The following PHTF1 variants were observed in gnomAD, a reference collection of about 807,000 sequenced individuals.
PHTF1 encodes the protein protein PHTF1.
PHTF1 carries 88 observed loss-of-function variants against 102.4 expected under a neutral mutation model. The observed-to-expected ratio is 0.86, with a 90% CI of 0.72 to 1.03. PHTF1 has a LOEUF of 1.03. Among genes scored for constraint, PHTF1 ranks in the 50% least tolerant of loss-of-function variants. PHTF1 has a pLI of 0.00. For missense variants in PHTF1, 814 were observed against 909.5 expected (o/e 0.89, Z 1.35); for synonymous variants, 289 against 305.2 (o/e 0.95, Z 0.55).
Position 113,704,172 on chromosome 1 carries a change from G to A in PHTF1, c.1804-5C>T, listed in dbSNP as rs764621067. The A allele has an allele frequency of 6.3e-7, 1 of 1,599,834 alleles. No homozygotes were observed. The highest frequency in any genetic ancestry group is 1.1e-5 in the South Asian group (1 of 90,452). On this transcript the variant is annotated splice_polypyrimidine_tract_variant and splice_region_variant and intron_variant, in intron 14 of 18. Transcript: ENST00000369604. Reference sequence around the variant, plus strand: ...TGAACGCTGTGGCCCCCGTCTCTGTGGAGTGAGACACATGTGTTAATGTTT... The same window carrying A: ...TGAACGCTGTGGCCCCCGTCTCTGTAGAGTGAGACACATGTGTTAATGTTT...
chr1:113,742,073 A>G (rs1656452994), intron 3 of PHTF1, among the ~76,000 whole-genome samples: 1 of 152,226 alleles, frequency 6.6e-6, no homozygotes, highest in Admixed American at 6.5e-5. Flanking sequence ...GCACTTTTAC[A>G]TATAGTCATG....
At chr1:113,752,528 G>GCAGCTGGGAC (rs1658251811) in intron 3 of PHTF1, among the ~76,000 whole-genome samples, 1 of 87,340 alleles carries the variant, frequency 1.1e-5, no homozygotes, top group Non-Finnish European at 2.3e-5. Context: ...AGCCTCCCCA[G>GCAGCTGGGAC]TAGCCTGCAA....
intron 2 of PHTF1, among the ~76,000 whole-genome samples, chr1:113,758,454 C>A (rs1428550769): frequency 6.7e-6 from 1 of 150,350 alleles, no homozygotes; most frequent in Admixed American, 6.6e-5. Context: ...AAGGAGGTGG[C>A]TTGTAAACCT....
At chr1:113,708,587 T>C (rs1444864272) in intron 11 of PHTF1, among the ~76,000 whole-genome samples, 1 of 151,942 alleles carries the variant, frequency 6.6e-6, no homozygotes, top group Non-Finnish European at 1.5e-5. Context: ...GAGCTAAAAT[T>C]GTGCCAGTGT....
At chr1:113,716,433 G>A (rs1481907171) in intron 7 of PHTF1, among the ~76,000 whole-genome samples, 6 of 141,350 alleles carry the variant, frequency 4.2e-5, no homozygotes, top group Admixed American at 7.8e-5. Flanking sequence ...CTGCCTCAAC[G>A]TCCTGGGCTC....
chr1:113,737,671 C>A (rs980872885), intron 5 of PHTF1, among the ~76,000 whole-genome samples: 1 of 152,160 alleles, frequency 6.6e-6, no homozygotes, highest in African/African-American at 2.4e-5. Flanking sequence ...CAGTGGCATA[C>A]ACCTGTAGTG....
intron 3 of PHTF1, among the ~76,000 whole-genome samples, chr1:113,744,920 G>C (rs966731332): frequency 2.0e-5 from 3 of 148,842 alleles, no homozygotes; most frequent in Non-Finnish European, 4.5e-5. Context: ...CTGCACTCTA[G>C]CCTGGGTGAC....
At chr1:113,733,184 G>A (rs997322153) in intron 5 of PHTF1, among the ~76,000 whole-genome samples, 1 of 143,054 alleles carries the variant, frequency 7.0e-6, no homozygotes. Context: ...TTACAGGCTT[G>A]AGCCACTGCC....
At position 113,704,175 on chromosome 1, in the gene PHTF1, G is replaced by C; in HGVS notation, c.1804-8C>G. ...ACGCTGTGGCCCCCGTCTCTGTGGAGTGAGACACATGTGTTAATGTTTTAG... is the reference window on the plus strand; with the variant it reads ...ACGCTGTGGCCCCCGTCTCTGTGGACTGAGACACATGTGTTAATGTTTTAG... On this transcript the variant is annotated splice_polypyrimidine_tract_variant and splice_region_variant and intron_variant, in intron 14 of 18. Coordinates refer to ENST00000369604, the MANE Select transcript of PHTF1 (RefSeq NM_001323043.2). 2.5e-6 allele frequency: 4 copies of C among 1,596,912 alleles called. No individual in the cohort carries two copies. Among genetic ancestry groups the C allele is most frequent in the Non-Finnish European group, 3.4e-6 (4 of 1,165,810 alleles).
At chr1:113,738,342 T>G in intron 4 of PHTF1, 74 bp from the exon 5 acceptor site, 1 of 1,121,956 alleles carries the variant, frequency 8.9e-7, no homozygotes, top group Admixed American at 2.3e-5. Flanking sequence ...AGCACTACAT[T>G]AAAAATAGGT....
chr1:113,737,929 T>C (rs1172622212), intron 5 of PHTF1, among the ~76,000 whole-genome samples, 181 bp downstream of exon 5: 1 of 152,230 alleles, frequency 6.6e-6, no homozygotes, highest in African/African-American at 2.4e-5. Flanking sequence ...GTTACACAAG[T>C]ATGTTTGCTC....
Position 113,700,836 on chromosome 1 carries a change from G to T in PHTF1, c.2004C>A (p.Thr668=). The T allele has an allele frequency of 6.2e-7, 1 of 1,613,542 alleles. No individual in the cohort carries two copies. Among genetic ancestry groups the T allele is most frequent in the Non-Finnish European group, 8.5e-7 (1 of 1,179,760 alleles). Residue 668 remains threonine (T), a synonymous_variant, in exon 16 of 19, where the codon ACC becomes ACA. Transcript: ENST00000369604. ...TTGAAACATTGCTGTATTTCTTATT[G>T]GTTTCAGACCCCAGTGAGGCCAGAC... is the stretch of plus-strand genomic sequence containing the variant. ...LLRLASLGSE[T]NKKYSNVSIL... is the part of the protein sequence containing the mutation.
intron 3 of PHTF1, among the ~76,000 whole-genome samples, chr1:113,744,547 C>T (rs1391962207): frequency 6.6e-6 from 1 of 152,116 alleles, no homozygotes; most frequent in African/African-American, 2.4e-5. Flanking sequence ...TAAAGGACAC[C>T]TTATTCACAT....
chr1:113,758,321 T>A (rs2101756306), intron 2 of PHTF1, among the ~76,000 whole-genome samples: 1 of 149,868 alleles, frequency 6.7e-6, no homozygotes, highest in East Asian at 2.0e-4. Context: ...AACAGCTCAA[T>A]AAGATTGTTG....
chr1:113,726,519 A>G lies in PHTF1; in HGVS notation c.387T>C (p.Leu129=), dbSNP rs1424012634. ...MMPIVNISEV[L]GPLCLMLLMG... ...TGAGTAGCATAAGGCACAAGGGTCC[A>G]AGTACTTCACTTATGTTCACAATAG... Residue 129 remains leucine, a synonymous_variant, in exon 6 of 19, where the codon CTT becomes CTC. Coordinates refer to ENST00000369604, the MANE Select transcript of PHTF1 (RefSeq NM_001323043.2). 5.0e-6 allele frequency: 8 copies of G among 1,608,146 alleles called. No individual in the cohort carries two copies. Among genetic ancestry groups the G allele is most frequent in the Non-Finnish European group, 6.8e-6 (8 of 1,175,876 alleles).
Position 113,713,391 on chromosome 1 carries a change from T to C in PHTF1, c.671A>G (p.Asn224Ser), listed in dbSNP as rs780408751. ...GATAGGATGGACACAACTTGGGTCA[T>C]TGTCAGTTTCAGTCCCTTTGTTAGA... ...LISNKGTETD[N>S]DPSCVHPIIK... Residue 224 changes from asparagine (N) to serine (S), a missense_variant, in exon 8 of 19, where the codon AAT (asparagine) becomes AGT (serine). Asn to Ser is a conservative substitution (Grantham distance 46). Transcript: ENST00000369604. 25 of 1,594,712 alleles carry C rather than the reference T, an allele frequency of 1.6e-5. No homozygotes were observed. The Admixed American group carries it at 3.2e-4, about 20-fold the overall frequency.
intron 5 of PHTF1, among the ~76,000 whole-genome samples, chr1:113,733,060 A>ATTTTTTTTTTTTTTTTT (rs386368123): frequency 1.2e-5 from 1 of 84,164 alleles, no homozygotes; most frequent in Non-Finnish European, 2.1e-5. Flanking sequence ...CGCCTGGCTA[A>ATTTTTTTTTTTTTTTTT]TTTTTTTTTT....
chr1:113,759,139 G>A lies in PHTF1; in HGVS notation c.-147C>T, dbSNP rs2101764637. On this transcript the variant is annotated 5_prime_UTR_variant, in exon 1 of 19. Coordinates refer to ENST00000369604, the MANE Select transcript of PHTF1 (RefSeq NM_001323043.2). ...AGGCAGGCCGCATCTTCCCCTCCAG[G>A]CGGAGACGCCGGAGAGGCCGTTACC... 3.1e-6 allele frequency: 3 copies of A among 952,526 alleles called. No homozygotes were observed. Among genetic ancestry groups the A allele is most frequent in the Non-Finnish European group, 3.8e-6 (3 of 799,238 alleles). 59.0% of individuals were successfully genotyped at this position (952,526 alleles called of 1,614,324 possible). A position where few individuals can be genotyped will look rare whatever the true frequency, so the allele number is the denominator to read the frequency against.
chr1:113,704,140 C>T lies in PHTF1; in HGVS notation c.1831G>A (p.Val611Met). 1 of 1,613,518 alleles carries T rather than the reference C, an allele frequency of 6.2e-7. No individual in the cohort carries two copies. The highest frequency in any genetic ancestry group is 2.2e-5 in the East Asian group (1 of 44,880). ...KRRGPQRSVDVVVSSVFLLTL... is the reference protein window; with the variant it reads ...KRRGPQRSVDMVVSSVFLLTL... ...AGTAGGAAAACCGAGGATACAACCA[C>T]ATCAACTGAACGCTGTGGCCCCCGT... Residue 611 changes from valine to methionine, a missense_variant, in exon 15 of 19, where the codon GTG becomes ATG. Val to Met is a conservative substitution (Grantham distance 21). Transcript: ENST00000369604.
Sources: gnomAD v4.1 joint callset for allele counts (sites outside exome capture counted in the v4.1 genomes callset) on GRCh38, gnomAD v4.1.1 for gene constraint, MANE v1.5 for transcripts, NCBI Gene and HGNC (gene_info 2026-07-23, HGNC 2026-07-21) for gene names.